The following PHYH variants were observed in gnomAD, a reference collection of about 807,000 sequenced individuals.
PHYH encodes phytanoyl-CoA dioxygenase, peroxisomal.
A neutral mutation model predicts 38.5 loss-of-function variants in PHYH; 32 were observed. The observed-to-expected ratio is 0.83, with a 90% CI of 0.63 to 1.12. PHYH has a LOEUF of 1.12. Among genes scored for constraint, PHYH ranks in the 50% most tolerant of loss-of-function variants. The pLI is 0.00. For missense variants in PHYH, 426 were observed against 434.8 expected (o/e 0.98, Z 0.18); for synonymous variants, 166 against 157.9 (o/e 1.05, Z -0.38).
chr10:13,283,362 C>T (rs1272062763), intron 7 of PHYH, among the ~76,000 whole-genome samples: 2 of 152,022 alleles, frequency 1.3e-5, no homozygotes, highest in Non-Finnish European at 2.9e-5. Context: ...ATCTCCTGAC[C>T]TCGTGATCCA....
chr10:13,281,131 G>A, intron 7 of PHYH, 21 bp from the exon 8 acceptor site: 1 of 1,613,744 alleles, frequency 6.2e-7, no homozygotes, highest in East Asian at 2.2e-5. Flanking sequence ...TGAACAAATT[G>A]ATATTGGAGA....
At chr10:13,281,399 GTT>G (rs11430020) in intron 7 of PHYH, among the ~76,000 whole-genome samples, 3 of 145,212 alleles carry the variant, frequency 2.1e-5, no homozygotes, top group Admixed American at 7.0e-5. Context: ...GAGGTATTTA[GTT>G]TTTTTTTTTT....
chr10:13,286,691 CTCTG>C (rs1247556433), intron 6 of PHYH, among the ~76,000 whole-genome samples: 40 of 110,666 alleles, frequency 3.6e-4, no homozygotes, highest in African/African-American at 1.7e-3. Flanking sequence ...CAGAGTGAGA[CTCTG>C]TCTCAAAAAA....
chr10:13,291,956 CAG>C, intron 4 of PHYH, 44 bp from the exon 5 acceptor site: 2 of 1,378,086 alleles, frequency 1.5e-6, no homozygotes, highest in East Asian at 2.3e-5. Context: ...TGTGGGAAAT[CAG>C]AAGTATTGAC....
At chr10:13,293,343 C>T (rs543449134) in intron 4 of PHYH, among the ~76,000 whole-genome samples, 68 of 152,126 alleles carry the variant, frequency 4.5e-4, no homozygotes, top group African/African-American at 1.6e-3. Flanking sequence ...CGCTCTGTTG[C>T]CCAGGCTAGG....
Position 13,298,174 on chromosome 10 carries a change from T to A in PHYH, c.134+13A>T, listed in dbSNP as rs367643892. On this transcript the variant is annotated intron_variant, in intron 2 of 8. Coordinates refer to ENST00000263038, the MANE Select transcript of PHYH (RefSeq NM_006214.4). ...ACATAATATATTTCAAAATCAAAAC[T>A]CAAACTACTTACTGGAATTGTTGAG... 8.3e-6 allele frequency: 13 copies of A among 1,562,884 alleles called. No homozygotes were observed. In the African/African-American group the frequency reaches 9.5e-5, roughly 11 times the overall value.
chr10:13,278,111 G>GTT lies in PHYH; in HGVS notation c.*188_*189dup, dbSNP rs3839912. Reference sequence around the variant, plus strand: ...AAAACAGTAATATTTCACTTTTACTGTTTTTTTTTTCCATTAAAGCAACAC... The same window carrying GTT: ...AAAACAGTAATATTTCACTTTTACTGTTTTTTTTTTTTCCATTAAAGCAACAC... On this transcript the variant is annotated 3_prime_UTR_variant, in exon 9 of 9. Coordinates refer to ENST00000263038, the MANE Select transcript of PHYH (RefSeq NM_006214.4). 194 of 531,676 alleles carry GTT rather than the reference G, an allele frequency of 3.6e-4. No individual in the cohort carries two copies. Among genetic ancestry groups the GTT allele is most frequent in the Non-Finnish European group, 3.1e-4 (91 of 293,576 alleles). The allele number at this position is 531,676 out of a possible 1,614,324, so 32.9% of individuals were successfully genotyped here.
intron 6 of PHYH, 102 bp downstream of exon 6, chr10:13,288,257 GA>G: frequency 9.6e-7 from 1 of 1,040,390 alleles, no homozygotes; most frequent in Admixed American, 1.8e-5. Flanking sequence ...GTTTTGCTCA[GA>G]AAGGAAATGC....
At chr10:13,299,427 C>G in intron 1 of PHYH, 1 of 1,000,906 alleles carries the variant, frequency 1.0e-6, no homozygotes, top group Non-Finnish European at 1.2e-6. Context: ...CACCCGCTGT[C>G]CTTCCCCAAA....
intron 1 of PHYH, chr10:13,299,420 C>G: frequency 2.0e-6 from 2 of 1,000,708 alleles, no homozygotes; most frequent in Non-Finnish European, 2.4e-6. Flanking sequence ...CAGTCCTCAC[C>G]CGCTGTCCTT....
intron 5 of PHYH, among the ~76,000 whole-genome samples, chr10:13,290,203 G>T (rs1316299696): frequency 6.6e-6 from 1 of 150,560 alleles, no homozygotes; most frequent in Non-Finnish European, 1.5e-5. Flanking sequence ...GATGAGGCAG[G>T]AGAATCACTC....
chr10:13,294,302 T>G, intron 4 of PHYH, 126 bp downstream of exon 4: 1 of 825,902 alleles, frequency 1.2e-6, no homozygotes, highest in South Asian at 1.4e-5. Context: ...GCGATCCACC[T>G]GCCTCAGCCT....
chr10:13,298,964 T>TAATAATAATAAC (rs1486409964), intron 1 of PHYH, among the ~76,000 whole-genome samples: 2 of 72,074 alleles, frequency 2.8e-5, no homozygotes, highest in Non-Finnish European at 3.9e-5. Context: ...ATAATAATAA[T>TAATAATAATAAC]AACAACAATA....
rs372791369 is a variant in PHYH at position 13,283,953 on chromosome 10, A to G, written c.679-114T>C. The G allele has an allele frequency of 7.7e-5, 70 of 909,894 alleles. No individual in the cohort carries two copies. The African/African-American group carries it at 1.1e-3, about 14-fold the overall frequency. 56.4% of individuals were successfully genotyped at this position (909,894 alleles called of 1,614,324 possible). A position where few individuals can be genotyped will look rare whatever the true frequency, so the allele number is the denominator to read the frequency against. Reference sequence around the variant, plus strand: ...GGGAAAGAAAGCATTTCTCTCTCCCAAGAGAAATAAATGTCTAAATTAAAT... The same window carrying G: ...GGGAAAGAAAGCATTTCTCTCTCCCGAGAGAAATAAATGTCTAAATTAAAT... On this transcript the variant is annotated intron_variant, in intron 6 of 8. Coordinates refer to ENST00000263038, the MANE Select transcript of PHYH (RefSeq NM_006214.4).
At chr10:13,290,719 C>T (rs1373118555) in intron 5 of PHYH, among the ~76,000 whole-genome samples, 2 of 152,106 alleles carry the variant, frequency 1.3e-5, no homozygotes, top group Non-Finnish European at 2.9e-5. Context: ...TATTAAAATA[C>T]AGAAACCTGG....
intron 2 of PHYH, among the ~76,000 whole-genome samples, chr10:13,296,983 T>C (rs891212540): frequency 1.3e-4 from 20 of 150,732 alleles, no homozygotes; most frequent in African/African-American, 4.9e-4. Context: ...TAAAATATAA[T>C]AAAATAAAAA....
In PHYH at chr10:13,286,907, G is replaced by A. The variant is rs949615382; in HGVS notation, c.678+1453C>T. 2.0e-4 allele frequency among the ~76,000 whole-genome samples: 31 copies of A among 152,280 alleles called. No individual in the cohort carries two copies. In the East Asian group the frequency reaches 5.8e-3, roughly 28 times the overall value. On this transcript the variant is annotated intron_variant, in intron 6 of 8. Coordinates refer to ENST00000263038, the MANE Select transcript of PHYH (RefSeq NM_006214.4). ...GTTGCCTAGAGCAGGGAGAAGGATG[G>A]AGTATCTTGATTGTGGTGATGATTT...
At chr10:13,296,813 G>A (rs955606971) in intron 2 of PHYH, among the ~76,000 whole-genome samples, 77 of 151,648 alleles carry the variant, frequency 5.1e-4, no homozygotes, top group African/African-American at 1.7e-3. Flanking sequence ...AAATTAGCCC[G>A]GCATGGTGTC....
intron 1 of PHYH, chr10:13,299,645 C>A: frequency 8.6e-7 from 1 of 1,162,980 alleles, no homozygotes; most frequent in Non-Finnish European, 1.1e-6. Context: ...GGTCTCTGGA[C>A]AGCTGCCGGG....
Sources: allele counts gnomAD v4.1 joint callset (sites outside exome capture counted in the v4.1 genomes callset), GRCh38; gene constraint gnomAD v4.1.1; transcripts MANE v1.5; gene names NCBI Gene and HGNC (gene_info 2026-07-23, HGNC 2026-07-21).